Variants in SMAD2 observed in about 807,000 individuals in gnomAD.
The protein encoded by SMAD2 is SMAD family member 2, also known as MAD homolog 2.
In SMAD2, 8 loss-of-function variants were observed where a neutral mutation model predicts 64.4. The ratio of observed to expected loss-of-function variants is 0.12; its 90% CI spans 0.07 to 0.22. The LOEUF (loss-of-function observed/expected upper bound fraction) is 0.22. SMAD2 is among the 10% of genes least tolerant of loss of function. The pLI, the probability that SMAD2 is intolerant of heterozygous loss-of-function variation, is 1.00. For missense variants in SMAD2, 289 were observed against 561.2 expected, an observed-to-expected ratio of 0.51 and a Z score of 4.90; for synonymous variants, 203 against 195.8, an observed-to-expected ratio of 1.04 and a Z score of -0.31.
intron 1 of SMAD2, among the ~76,000 whole-genome samples, chr18:47,900,924 A>G (rs759029733): frequency 1.3e-5 from 2 of 152,226 alleles, no homozygotes; most frequent in Non-Finnish European, 2.9e-5. Flanking sequence ...TAATACAAAC[A>G]ACATATTCAA....
Position 47,828,470 on chromosome 18 carries a change from T to C in SMAD2, c.*13357A>G. On this transcript the variant is annotated 3_prime_UTR_variant, in exon 11 of 11. Transcript: ENST00000262160. ...CATTGAGAGCGGGCCATGATGACGATGGCGGTTTTGTCGAATAGAAAAGGG... is the reference window on the plus strand; with the variant it reads ...CATTGAGAGCGGGCCATGATGACGACGGCGGTTTTGTCGAATAGAAAAGGG... 6.0e-6 allele frequency: 1 copy of C among 167,268 alleles called. No homozygotes were observed. The highest frequency in any genetic ancestry group is 1.2e-5 in the Non-Finnish European group (1 of 80,422). 10.4% of individuals were successfully genotyped at this position (167,268 alleles called of 1,614,324 possible). A position where few individuals can be genotyped will look rare whatever the true frequency, so the allele number is the denominator to read the frequency against.
chr18:47,836,613 G>C lies in SMAD2; in HGVS notation c.*5214C>G, dbSNP rs1568024191. On this transcript the variant is annotated 3_prime_UTR_variant, in exon 11 of 11. Transcript: ENST00000262160. ...GTTAAGTTTGTCTATGAGTGTATAT[G>C]TATATATAAATTCATACACATATAT... 9.4e-6 allele frequency: 2 copies of C among 213,498 alleles called. No homozygotes were observed. The highest frequency in any genetic ancestry group is 1.9e-5 in the Non-Finnish European group (2 of 105,794). The allele number at this position is 213,498 out of a possible 1,614,324, so 13.2% of individuals were successfully genotyped here. A position where few individuals can be genotyped will look rare whatever the true frequency, so the allele number is the denominator to read the frequency against.
In SMAD2 at chr18:47,924,202, C is replaced by T. The variant is rs531606600; in HGVS notation, c.-54+6159G>A. Among the ~76,000 whole-genome samples, 175 of 147,358 alleles carry T rather than the reference C, an allele frequency of 1.2e-3. 2 individuals are homozygous for T. Among genetic ancestry groups the T allele is most frequent in the Non-Finnish European group, 1.9e-3 (128 of 67,356 alleles). On this transcript the variant is annotated intron_variant, in intron 1 of 10. Coordinates refer to ENST00000262160, the MANE Select transcript of SMAD2 (RefSeq NM_005901.6). Reference sequence around the variant, plus strand: ...GGCGGAGGTTGCAGTGAGCCAAGATCGCACCACTGCACTCCAGCCTGGGCA... The same window carrying T: ...GGCGGAGGTTGCAGTGAGCCAAGATTGCACCACTGCACTCCAGCCTGGGCA...
chr18:47,845,107 ACT>A, intron 10 of SMAD2: 2 of 616,770 alleles, frequency 3.2e-6, no homozygotes. Flanking sequence ...GATATTTAAC[ACT>A]CTGAATTACG....
intron 2 of SMAD2, among the ~76,000 whole-genome samples, chr18:47,877,122 A>G (rs1416824492): frequency 1.3e-5 from 2 of 151,856 alleles, no homozygotes; most frequent in Non-Finnish European, 2.9e-5. Context: ...TTGTTTTACT[A>G]ATTTATTATT....
chr18:47,906,811 C>T (rs368042959), intron 1 of SMAD2, among the ~76,000 whole-genome samples: 1 of 152,068 alleles, frequency 6.6e-6, no homozygotes, highest in Admixed American at 6.6e-5. Flanking sequence ...ACCTTCAGAG[C>T]ACATCATTCC....
Position 47,894,216 on chromosome 18 carries a change from A to G in SMAD2, c.236+2305T>C, listed in dbSNP as rs1189144337. On this transcript the variant is annotated intron_variant, in intron 2 of 10. Coordinates refer to ENST00000262160, the MANE Select transcript of SMAD2 (RefSeq NM_005901.6). ...ACTTGAGCCTTGTTGAAGTTGTGCAAAAACATGGCTCTATCTCTGCTGTAT... is the reference window on the plus strand; with the variant it reads ...ACTTGAGCCTTGTTGAAGTTGTGCAGAAACATGGCTCTATCTCTGCTGTAT... Among the ~76,000 whole-genome samples the G allele has an allele frequency of 2.6e-5, 4 of 152,176 alleles. No individual in the cohort carries two copies. In the East Asian group the frequency reaches 7.7e-4, roughly 29 times the overall value.
intron 1 of SMAD2, among the ~76,000 whole-genome samples, chr18:47,925,520 T>G (rs1374789402): frequency 6.6e-6 from 1 of 152,168 alleles, no homozygotes; most frequent in Non-Finnish European, 1.5e-5. Context: ...AAAATTATAT[T>G]CTCCCTACAT....
At position 47,824,984 on chromosome 18, in the gene SMAD2, T is replaced by C. The variant is rs1018567228; in HGVS notation, c.*16843A>G. ...CATTGAATATACACAGACATACAAA[T>C]AAAGACTGGAAAAAATATACACCAG... is the stretch of plus-strand genomic sequence containing the variant. On this transcript the variant is annotated 3_prime_UTR_variant, in exon 11 of 11. Transcript: ENST00000262160. 1 of 152,188 alleles carries C rather than the reference T, an allele frequency of 6.6e-6. No individual in the cohort carries two copies. The highest frequency in any genetic ancestry group is 1.5e-5 in the Non-Finnish European group (1 of 68,030). 9.4% of individuals were successfully genotyped at this position (152,188 alleles called of 1,614,324 possible). A position where few individuals can be genotyped will look rare whatever the true frequency, so the allele number is the denominator to read the frequency against.
chr18:47,916,736 T>C (rs1026633535), intron 1 of SMAD2, among the ~76,000 whole-genome samples: 1 of 152,224 alleles, frequency 6.6e-6, no homozygotes, highest in African/African-American at 2.4e-5. Flanking sequence ...AATCATAATC[T>C]AGTGAAGTTT....
chr18:47,866,221 CAGG>C lies in SMAD2; in HGVS notation c.656-1091_656-1089del, dbSNP rs1435777623. On this transcript the variant is annotated intron_variant, in intron 5 of 10. Coordinates refer to ENST00000262160, the MANE Select transcript of SMAD2 (RefSeq NM_005901.6). ...ATTCCAGTTACTAGGGAGGCTGAGG[CAGG>C]AGAATCATTTGAACCCAGGAGGTGG... Among the ~76,000 whole-genome samples the C allele has an allele frequency of 4.2e-5, 6 of 141,478 alleles. No individual in the cohort carries two copies. In the Admixed American group the frequency reaches 4.7e-4, roughly 11 times the overall value. 92.8% of individuals were successfully genotyped at this position (141,478 alleles called of 152,430 possible). A position where few individuals can be genotyped will look rare whatever the true frequency, so the allele number is the denominator to read the frequency against.
At chr18:47,896,405 C>A in intron 2 of SMAD2, 116 bp downstream of exon 2, 1 of 1,033,344 alleles carries the variant, frequency 9.7e-7, no homozygotes, top group Non-Finnish European at 1.5e-6. Context: ...AGGTTAAAAA[C>A]AGTCATATTT....
rs1186363719 is a variant in SMAD2 at position 47,896,677 on chromosome 18, C to A, written c.80G>T (p.Gly27Val). ...GWKKSAGGSGGAGGGEQNGQE... is the reference protein window; with the variant it reads ...GWKKSAGGSGVAGGGEQNGQE... ...CCCATTCTGCTCTCCTCCGCCTGCT[C>A]CTCCAGACCCACCAGCTGACTTCTT... is the stretch of plus-strand genomic sequence containing the variant. The change falls in exon 2 of 11, where the codon GGA becomes GTA. Residue 27 changes from glycine (G) to valine (V), a missense_variant. Physicochemically the swap from Gly to Val is moderately radical, Grantham distance 109. Coordinates refer to ENST00000262160, the MANE Select transcript of SMAD2 (RefSeq NM_005901.6). 1 of 1,614,160 alleles carries A rather than the reference C, an allele frequency of 6.2e-7. No homozygotes were observed. The highest frequency in any genetic ancestry group is 2.2e-5 in the East Asian group (1 of 44,888).
chr18:47,905,410 C>A (rs6507790), intron 1 of SMAD2, among the ~76,000 whole-genome samples: 85,095 of 151,602 alleles, frequency 0.56, 24,242 homozygotes, highest in East Asian at 0.8. Flanking sequence ...CCCTACCAAA[C>A]TTCCAGCAGA....
intron 2 of SMAD2, among the ~76,000 whole-genome samples, chr18:47,878,716 C>T (rs1476890910): frequency 1.3e-5 from 2 of 152,260 alleles, no homozygotes; most frequent in South Asian, 2.1e-4. Flanking sequence ...AGTATTTATT[C>T]CAACTTCTCA....
Position 47,835,922 on chromosome 18 carries a change from A to G in SMAD2, c.*5905T>C, listed in dbSNP as rs558268966. On this transcript the variant is annotated 3_prime_UTR_variant, in exon 11 of 11. Transcript: ENST00000262160. Reference sequence around the variant, plus strand: ...TTTTCTCGAAATTTTTTTGAAGAAAAATCTAAAAGCCCTCTATGTTGAGTT... The same window carrying G: ...TTTTCTCGAAATTTTTTTGAAGAAAGATCTAAAAGCCCTCTATGTTGAGTT... 8.8e-4 allele frequency: 184 copies of G among 208,660 alleles called. No individual in the cohort carries two copies. The highest frequency in any genetic ancestry group is 4.0e-3 in the African/African-American group (178 of 44,052). 12.9% of individuals were successfully genotyped at this position (208,660 alleles called of 1,614,324 possible).
chr18:47,873,826 A>G (rs1173543364), intron 2 of SMAD2, among the ~76,000 whole-genome samples: 1 of 152,178 alleles, frequency 6.6e-6, no homozygotes, highest in Non-Finnish European at 1.5e-5. Context: ...AGCCACAGCT[A>G]GGCAGGGCAA....
rs781677330 is a variant in SMAD2 at position 47,841,961 on chromosome 18, G to A, written c.1281-11C>T. 6.2e-7 allele frequency: 1 copy of A among 1,613,996 alleles called. No homozygotes were observed. Among genetic ancestry groups the A allele is most frequent in the Non-Finnish European group, 8.5e-7 (1 of 1,179,914 alleles). On this transcript the variant is annotated splice_polypyrimidine_tract_variant and intron_variant, in intron 10 of 10. Coordinates refer to ENST00000262160, the MANE Select transcript of SMAD2 (RefSeq NM_005901.6). ...GTTACCGTCTGCCTTCTGTTTAAAA[G>A]AATACAGGAAAATGATTATGAAATT... is the stretch of plus-strand genomic sequence containing the variant.
intron 2 of SMAD2, among the ~76,000 whole-genome samples, chr18:47,884,762 A>G (rs113839058): frequency 2.0e-5 from 3 of 152,198 alleles, no homozygotes; most frequent in African/African-American, 7.2e-5. Context: ...ACACAGTCCT[A>G]TAAGAATAAA....
Sources: allele counts gnomAD v4.1 joint callset (sites outside exome capture counted in the v4.1 genomes callset), GRCh38; gene constraint gnomAD v4.1.1; transcripts MANE v1.5; gene names NCBI Gene and HGNC (gene_info 2026-07-23, HGNC 2026-07-21).